The following PTPRD variants were observed in gnomAD, a reference collection of about 807,000 sequenced individuals.
PTPRD encodes receptor-type tyrosine-protein phosphatase delta.
In PTPRD, 34 loss-of-function variants were observed where a neutral mutation model predicts 214.5. That is an observed-to-expected ratio of 0.16 (90% CI 0.12 to 0.21). The LOEUF is 0.21. PTPRD is among the 10% of genes least tolerant of loss of function. PTPRD has a pLI of 1.00. For synonymous variants in PTPRD, 1,128 were observed against 845.7 expected (o/e 1.33, Z -5.79); for missense variants, 2,545 against 2,398.7 (o/e 1.06, Z -1.27).
intron 7 of PTPRD, among the ~76,000 whole-genome samples, chr9:9,595,086 AT>A (rs975474528): frequency 2.0e-5 from 3 of 151,712 alleles, no homozygotes; most frequent in African/African-American, 7.3e-5. Flanking sequence ...TCAAAAAATA[AT>A]AGATGTTGGC....
chr9:8,541,918 A>T (rs1026840551), intron 14 of PTPRD, among the ~76,000 whole-genome samples: 1 of 152,190 alleles, frequency 6.6e-6, no homozygotes, highest in African/African-American at 2.4e-5. Context: ...AGGAGTTCAG[A>T]CATCTGGAAA....
intron 5 of PTPRD, among the ~76,000 whole-genome samples, chr9:9,831,153 G>A (rs1333990868): frequency 2.0e-5 from 3 of 151,838 alleles, no homozygotes; most frequent in African/African-American, 7.3e-5. Context: ...AAGGTTAAGA[G>A]GAATTTAATG....
At chr9:8,478,677 C>G (rs924725671) in intron 30 of PTPRD, among the ~76,000 whole-genome samples, 10 of 152,138 alleles carry the variant, frequency 6.6e-5, no homozygotes, top group Non-Finnish European at 1.3e-4. Flanking sequence ...TAGGTTTAAG[C>G]ACCACAGAAT....
chr9:10,170,438 TC>T (rs1377605151), intron 3 of PTPRD, among the ~76,000 whole-genome samples: 1 of 152,148 alleles, frequency 6.6e-6, no homozygotes, highest in Non-Finnish European at 1.5e-5. Flanking sequence ...ACACCTGTAA[TC>T]CCAGCACTTT....
chr9:9,916,305 A>C (rs1449190507), intron 5 of PTPRD, among the ~76,000 whole-genome samples: 1 of 151,920 alleles, frequency 6.6e-6, no homozygotes, highest in African/African-American at 2.4e-5. Context: ...ACTGATACAC[A>C]CAGGAGAAAG....
intron 3 of PTPRD, among the ~76,000 whole-genome samples, chr9:10,292,690 T>C (rs2095562165): frequency 6.6e-6 from 1 of 151,958 alleles, no homozygotes; most frequent in Non-Finnish European, 1.5e-5. Context: ...TTTGTTCTTT[T>C]TTTTAACCAC....
chr9:9,291,267 A>G (rs1474736261), intron 9 of PTPRD, among the ~76,000 whole-genome samples: 1 of 151,412 alleles, frequency 6.6e-6, no homozygotes, highest in East Asian at 2.0e-4. Flanking sequence ...TAGAAGAGAA[A>G]CCTTAAACTT....
At chr9:8,636,008 G>C (rs1433250308) in intron 13 of PTPRD, among the ~76,000 whole-genome samples, 1 of 152,080 alleles carries the variant, frequency 6.6e-6, no homozygotes, top group Non-Finnish European at 1.5e-5. Context: ...TCTTCGATAG[G>C]TTTCTCTGCA....
intron 7 of PTPRD, among the ~76,000 whole-genome samples, chr9:9,678,603 T>C (rs2096988255): frequency 2.0e-5 from 3 of 151,908 alleles, no homozygotes. Context: ...TAGTGAACTA[T>C]TACAAGCATC....
chr9:9,010,379 C>G (rs181270663), intron 11 of PTPRD, among the ~76,000 whole-genome samples: 1 of 152,322 alleles, frequency 6.6e-6, no homozygotes, highest in Non-Finnish European at 1.5e-5. Flanking sequence ...ATTCCATTCT[C>G]ACCTTTTATC....
At chr9:10,475,146 G>A (rs1322327935) in intron 2 of PTPRD, among the ~76,000 whole-genome samples, 3 of 152,132 alleles carry the variant, frequency 2.0e-5, no homozygotes, top group Non-Finnish European at 2.9e-5. Context: ...GAGCAGAATT[G>A]AAGGAGACAG....
chr9:10,328,086 CA>C (rs1043406366), intron 3 of PTPRD, among the ~76,000 whole-genome samples: 2 of 151,410 alleles, frequency 1.3e-5, no homozygotes, highest in Non-Finnish European at 3.0e-5. Context: ...ACTAAACAAA[CA>C]AAAAAACTTT....
Position 9,528,984 on chromosome 9 carries a change from G to C in PTPRD, c.-237+45748C>G, listed in dbSNP as rs562406431. ...GGCAGAGTCTCACCCTGTTGCCCAG[G>C]CTGGAGTGCAATGGTGTGATCTTGG... On this transcript the variant is annotated intron_variant, in intron 8 of 45. Coordinates refer to ENST00000381196, the MANE Select transcript of PTPRD (RefSeq NM_002839.4). Among the ~76,000 whole-genome samples the C allele has an allele frequency of 3.3e-5, 5 of 149,852 alleles. No homozygotes were observed. The South Asian group carries it at 8.4e-4, about 25-fold the overall frequency.
intron 3 of PTPRD, among the ~76,000 whole-genome samples, chr9:10,039,229 A>G (rs760759851): frequency 5.3e-5 from 8 of 152,070 alleles, no homozygotes; most frequent in Non-Finnish European, 8.8e-5. Context: ...TGATCATCCT[A>G]TTTCTACTGT....
At chr9:9,090,713 T>C (rs1301292426) in intron 10 of PTPRD, among the ~76,000 whole-genome samples, 1 of 152,216 alleles carries the variant, frequency 6.6e-6, no homozygotes, top group Non-Finnish European at 1.5e-5. Context: ...AAACTAATGA[T>C]GACTCTTGAA....
At chr9:9,005,683 G>T (rs73439804) in intron 11 of PTPRD, among the ~76,000 whole-genome samples, 1 of 152,102 alleles carries the variant, frequency 6.6e-6, no homozygotes, top group African/African-American at 2.4e-5. Flanking sequence ...TTTTAATAAA[G>T]TTCACTTTAT....
chr9:9,177,912 T>G (rs1461298490), intron 10 of PTPRD, among the ~76,000 whole-genome samples: 1 of 152,154 alleles, frequency 6.6e-6, no homozygotes, highest in Non-Finnish European at 1.5e-5. Flanking sequence ...AGACACTATT[T>G]GATACATGGT....
chr9:8,680,431 T>C (rs185122382), intron 12 of PTPRD, among the ~76,000 whole-genome samples: 40 of 152,202 alleles, frequency 2.6e-4, no homozygotes, highest in Admixed American at 5.9e-4. Context: ...TTCTCTCGTG[T>C]TGAATCTCTT....
chr9:9,787,869 C>A (rs1373759117), intron 5 of PTPRD, among the ~76,000 whole-genome samples: 2 of 151,882 alleles, frequency 1.3e-5, no homozygotes, highest in Non-Finnish European at 1.5e-5. Flanking sequence ...GCAACCTCCA[C>A]CTCCCAGGTT....
Sources: gnomAD v4.1 joint callset for allele counts (sites outside exome capture counted in the v4.1 genomes callset) on GRCh38, gnomAD v4.1.1 for gene constraint, MANE v1.5 for transcripts, NCBI Gene and HGNC (gene_info 2026-07-23, HGNC 2026-07-21) for gene names.